The following HIBCH variants were observed in gnomAD, a reference collection of about 807,000 sequenced individuals.
HIBCH encodes 3-hydroxyisobutyryl-CoA hydrolase, mitochondrial.
Under a neutral mutation model 58.2 loss-of-function variants are expected in HIBCH, and 50 were observed. That is an observed-to-expected ratio of 0.86 (90% confidence interval 0.68 to 1.09). The LOEUF is 1.09. HIBCH is among the 50% of genes least tolerant of loss of function. The pLI, the probability that HIBCH is intolerant of heterozygous loss-of-function variation, is 0.00. For synonymous variants in HIBCH, 151 were observed against 146.9 expected (o/e 1.03, Z -0.20); for missense variants, 450 against 449.7 (o/e 1.00, Z -0.01).
intron 4 of HIBCH, among the ~76,000 whole-genome samples, chr2:190,293,465 T>A (rs956799139): frequency 5.4e-5 from 8 of 147,516 alleles, no homozygotes; most frequent in East Asian, 1.9e-4. Context: ...AAAAAAAAAA[T>A]AAATAAATAA....
At position 190,244,971 on chromosome 2, in the gene HIBCH, A is replaced by AC; in HGVS notation, c.810-4_810-3insG. 1 of 1,566,610 alleles carries AC rather than the reference A, an allele frequency of 6.4e-7. No individual in the cohort carries two copies. The highest frequency in any genetic ancestry group is 8.8e-7 in the Non-Finnish European group (1 of 1,136,828). On this transcript the variant is annotated splice_polypyrimidine_tract_variant and splice_region_variant and intron_variant, in intron 10 of 13. Coordinates refer to ENST00000359678, the MANE Select transcript of HIBCH (RefSeq NM_014362.4). ...CCACAGTATTGGCTGAAAAACAACT[A>AC]TAAAAAAAGGAAATGTGATTTCACC... is the stretch of plus-strand genomic sequence containing the variant.
At chr2:190,286,204 TACAC>T (rs1182955973) in intron 6 of HIBCH, among the ~76,000 whole-genome samples, 1 of 152,142 alleles carries the variant, frequency 6.6e-6, no homozygotes, top group Non-Finnish European at 1.5e-5. Flanking sequence ...AAAGGAATGT[TACAC>T]ACAGAGGCCA....
chr2:190,192,896 TTTTG>T (rs1689783994), intron 1 of HIBCH, among the ~76,000 whole-genome samples: 1 of 152,158 alleles, frequency 6.6e-6, no homozygotes, highest in Non-Finnish European at 1.5e-5. Flanking sequence ...AGTAAATTTT[TTTTG>T]GGGGGAGGCC....
At chr2:190,226,172 G>C (rs1685886111) in intron 11 of HIBCH, among the ~76,000 whole-genome samples, 1 of 152,168 alleles carries the variant, frequency 6.6e-6, no homozygotes, top group East Asian at 1.9e-4. Flanking sequence ...GCAAAAACTG[G>C]AAGCATTCCC....
intron 7 of HIBCH, among the ~76,000 whole-genome samples, chr2:190,253,014 C>T (rs1457312713): frequency 6.6e-6 from 1 of 152,058 alleles, no homozygotes; most frequent in Non-Finnish European, 1.5e-5. Flanking sequence ...CACAGTGAAA[C>T]CCCGTCTCTA....
chr2:190,298,975 T>G (rs554360699), intron 2 of HIBCH, among the ~76,000 whole-genome samples: 4 of 152,326 alleles, frequency 2.6e-5, no homozygotes, highest in African/African-American at 9.6e-5. Flanking sequence ...CTAGCCAGTT[T>G]TCCCAGCACC....
intron 5 of HIBCH, among the ~76,000 whole-genome samples, chr2:190,289,481 T>A (rs891275090): frequency 2.6e-5 from 4 of 152,190 alleles, no homozygotes; most frequent in Non-Finnish European, 5.9e-5. Context: ...TAAAAATTAA[T>A]GACAATGGTT....
chr2:190,296,521 T>C (rs950789919), intron 3 of HIBCH, among the ~76,000 whole-genome samples: 6 of 151,526 alleles, frequency 4.0e-5, no homozygotes, highest in Non-Finnish European at 7.4e-5. Flanking sequence ...ACCAGTATCA[T>C]TGGTTTAAAG....
At chr2:190,227,172 C>G (rs1377159110) in intron 11 of HIBCH, among the ~76,000 whole-genome samples, 2 of 152,194 alleles carry the variant, frequency 1.3e-5, no homozygotes, top group Non-Finnish European at 2.9e-5. Flanking sequence ...TACCTGACTT[C>G]AAACTATACT....
intron 6 of HIBCH, among the ~76,000 whole-genome samples, chr2:190,276,270 T>C (rs1687548672): frequency 6.6e-6 from 1 of 152,204 alleles, no homozygotes. Context: ...AGACTCCTCA[T>C]ACACTATGTA....
intron 6 of HIBCH, 99 bp downstream of exon 6, chr2:190,287,487 T>C: frequency 1.2e-6 from 1 of 811,860 alleles, no homozygotes; most frequent in Non-Finnish European, 2.1e-6. Context: ...CAATGAGTTC[T>C]ATTATATTAC....
chr2:190,250,524 T>C (rs544961107), intron 8 of HIBCH: 57 of 300,380 alleles, frequency 1.9e-4, no homozygotes, highest in Non-Finnish European at 3.1e-4. Flanking sequence ...ATTGAACACA[T>C]TGACAAAGAA....
At position 190,207,335 on chromosome 2, in the gene HIBCH, C is replaced by T. The variant is rs1690415853; in HGVS notation, c.1045+1545G>A. ...TTACAGGTCCTCTAAAATCAGAGTTCTAGGCTGTAATCCACATGCAGCAAG... is the reference window on the plus strand; with the variant it reads ...TTACAGGTCCTCTAAAATCAGAGTTTTAGGCTGTAATCCACATGCAGCAAG... On this transcript the variant is annotated intron_variant, in intron 13 of 13. Transcript: ENST00000359678. This position sits in a 1 kb window ranked among gnomAD's most constrained non-coding sequence, Gnocchi z 4.5. Among the ~76,000 whole-genome samples the T allele has an allele frequency of 6.6e-6, 1 of 152,092 alleles. No individual in the cohort carries two copies. Among genetic ancestry groups the T allele is most frequent in the East Asian group, 1.9e-4 (1 of 5,188 alleles).
intron 2 of HIBCH, among the ~76,000 whole-genome samples, chr2:190,308,296 C>A (rs1688467233): frequency 6.6e-6 from 1 of 152,090 alleles, no homozygotes; most frequent in Non-Finnish European, 1.5e-5. Context: ...TAGGAAACTC[C>A]TCAACCTCCA....
chr2:190,199,648 C>CTATT, downstream of HIBCH: 4 of 1,233,636 alleles, frequency 3.2e-6, no homozygotes, highest in Non-Finnish European at 4.3e-6. Flanking sequence ...CAATCATACA[C>CTATT]TATTTTGCAT....
intron 6 of HIBCH, among the ~76,000 whole-genome samples, chr2:190,269,003 T>C (rs950376077): frequency 2.0e-5 from 3 of 152,152 alleles, no homozygotes; most frequent in Non-Finnish European, 4.4e-5. Context: ...ATTTAATAAA[T>C]GGTGCTGGGA....
intron 4 of HIBCH, among the ~76,000 whole-genome samples, chr2:190,290,716 C>T (rs1687937438): frequency 6.6e-6 from 1 of 152,136 alleles, no homozygotes; most frequent in East Asian, 1.9e-4. Flanking sequence ...ATGCTTCTTA[C>T]AAAATGTTAG....
intron 4 of HIBCH, among the ~76,000 whole-genome samples, chr2:190,292,754 A>G (rs776732286): frequency 2.0e-4 from 30 of 152,322 alleles, no homozygotes; most frequent in Admixed American, 4.6e-4. Context: ...CTGCTTACCA[A>G]TTCTAAAAGG....
intron 11 of HIBCH, among the ~76,000 whole-genome samples, chr2:190,227,304 AAAG>A (rs1475259965): frequency 6.6e-6 from 1 of 152,254 alleles, no homozygotes; most frequent in Non-Finnish European, 1.5e-5. Flanking sequence ...AACGTGACAA[AAAG>A]AAGAAATGGG....
Sources: allele counts gnomAD v4.1 joint callset (sites outside exome capture counted in the v4.1 genomes callset), GRCh38; gene constraint gnomAD v4.1.1; non-coding constraint Gnocchi (gnomAD v3.1); transcripts MANE v1.5; gene names NCBI Gene and HGNC (gene_info 2026-07-23, HGNC 2026-07-21).